CELF2: variants seen among roughly 807,000 people sequenced by gnomAD.
CELF2 encodes CUGBP Elav-like family member 2, also known as CUG triplet repeat RNA-binding protein 2.
In CELF2, 8 loss-of-function variants were observed where a neutral mutation model predicts 62.6. The ratio of observed to expected loss-of-function variants is 0.13; its 90% CI spans 0.07 to 0.23. The LOEUF is 0.23. Among genes scored for constraint, CELF2 ranks in the 10% least tolerant of loss-of-function variants. The pLI, the probability that CELF2 is intolerant of heterozygous loss-of-function variation, is 1.00. For missense variants in CELF2, 333 were observed against 671.0 expected, an observed-to-expected ratio of 0.50 and a Z score of 5.56; for synonymous variants, 258 against 250.0, an observed-to-expected ratio of 1.03 and a Z score of -0.30.
At chr10:10,905,745 G>A (rs2063286721) in intron 1 of CELF2, among the ~76,000 whole-genome samples, 1 of 152,076 alleles carries the variant, frequency 6.6e-6, no homozygotes. Context: ...AGGTGTGGTG[G>A]CGGGCAACTG....
intron 1 of CELF2, among the ~76,000 whole-genome samples, chr10:11,113,489 A>T (rs1438837994): frequency 6.6e-6 from 1 of 152,308 alleles, no homozygotes; most frequent in East Asian, 1.9e-4. Context: ...ATAAAATATG[A>T]TGGACTTTTC....
intron 2 of CELF2, among the ~76,000 whole-genome samples, chr10:11,188,946 T>G (rs2075669330): frequency 6.6e-6 from 1 of 152,254 alleles, no homozygotes; most frequent in Admixed American, 6.5e-5. Flanking sequence ...TTGTAGTTTT[T>G]AATCTCTAGA....
the CELF2 span, among the ~76,000 whole-genome samples, chr10:10,605,063 C>T: frequency 1.3e-5 from 2 of 152,152 alleles, no homozygotes; most frequent in Non-Finnish European, 2.9e-5. Flanking sequence ...AAATGTGGTA[C>T]ATATACACCA....
chr10:11,270,358 G>A lies in CELF2; in HGVS notation c.619-308G>A, dbSNP rs566496407. ...TTAAAGAACCTTGGTAAGGTCTGTTGTCTGTAAGGAGGTCCTGCAAGGTTG... is the reference window on the plus strand; with the variant it reads ...TTAAAGAACCTTGGTAAGGTCTGTTATCTGTAAGGAGGTCCTGCAAGGTTG... On this transcript the variant is annotated intron_variant, in intron 6 of 12. Transcript: ENST00000633077. The surrounding 1 kb of genome is among the most constrained non-coding windows in gnomAD (Gnocchi z 5.8). Among the ~76,000 whole-genome samples the A allele has an allele frequency of 5.0e-4, 76 of 152,278 alleles. No homozygotes were observed. Among genetic ancestry groups the A allele is most frequent in the Non-Finnish European group, 8.7e-4 (59 of 68,032 alleles).
chr10:11,104,032 A>G lies in CELF2; in HGVS notation c.75-61454A>G, dbSNP rs551710359. On this transcript the variant is annotated intron_variant, in intron 1 of 12. Transcript: ENST00000633077. Reference sequence around the variant, plus strand: ...GCATGAAAACTATTTATTTAAAGAAATAGACTGACACTACCCTTTTGCTCT... The same window carrying G: ...GCATGAAAACTATTTATTTAAAGAAGTAGACTGACACTACCCTTTTGCTCT... 2.0e-5 allele frequency among the ~76,000 whole-genome samples: 3 copies of G among 152,346 alleles called. No individual in the cohort carries two copies. In the South Asian group the frequency reaches 6.2e-4, roughly 32 times the overall value.
intron 1 of CELF2, among the ~76,000 whole-genome samples, chr10:10,836,453 A>C (rs372101483): frequency 1.3e-3 from 196 of 152,338 alleles, no homozygotes; most frequent in African/African-American, 4.5e-3. Context: ...ACAACACTGA[A>C]GTAGATAACA....
intron 1 of CELF2, among the ~76,000 whole-genome samples, chr10:10,801,226 A>G (rs2054631417): frequency 3.3e-5 from 5 of 152,192 alleles, no homozygotes; most frequent in African/African-American, 2.4e-5. Context: ...CTTTGGCTAC[A>G]CCAAGTTCAT....
intron 1 of CELF2, among the ~76,000 whole-genome samples, chr10:11,124,683 A>G (rs1042009787): frequency 2.6e-5 from 4 of 152,192 alleles, no homozygotes; most frequent in African/African-American, 4.8e-5. Context: ...AGGCACTGCA[A>G]TAAGTTCTAA....
At chr10:10,532,394 ATCT>A in the CELF2 span, among the ~76,000 whole-genome samples, 3 of 152,216 alleles carry the variant, frequency 2.0e-5, no homozygotes, top group African/African-American at 4.8e-5. Context: ...GAACTCATTA[ATCT>A]TCTTCAAGTA....
intron 2 of CELF2, among the ~76,000 whole-genome samples, chr10:11,176,815 T>G (rs1406982101): frequency 6.6e-6 from 1 of 152,200 alleles, no homozygotes; most frequent in Non-Finnish European, 1.5e-5. Flanking sequence ...TTTTCAATGT[T>G]TATCCCAGTT....
At chr10:10,941,955 C>T (rs190358784) in intron 2 of CELF2, among the ~76,000 whole-genome samples, 45 of 148,566 alleles carry the variant, frequency 3.0e-4, no homozygotes, top group African/African-American at 1.1e-3. Context: ...GATCACAGCA[C>T]TTCACTCCAG....
the CELF2 span, among the ~76,000 whole-genome samples, chr10:10,548,224 C>T: frequency 1.3e-3 from 203 of 152,346 alleles, 1 homozygote; most frequent in African/African-American, 4.8e-3. Flanking sequence ...CCTGTGGTCC[C>T]TCCCAGCTCT....
the CELF2 span, among the ~76,000 whole-genome samples, chr10:10,695,789 T>C: frequency 1.3e-5 from 2 of 152,170 alleles, no homozygotes; most frequent in African/African-American, 2.4e-5. Context: ...TTTCTTCCAG[T>C]TGATCGCATC....
the CELF2 span, among the ~76,000 whole-genome samples, chr10:10,718,208 G>C: frequency 1.3e-5 from 2 of 152,166 alleles, no homozygotes; most frequent in Non-Finnish European, 2.9e-5. Flanking sequence ...TTATTTCAAA[G>C]TGAGTGCTAT....
the CELF2 span, among the ~76,000 whole-genome samples, chr10:10,518,665 C>T: frequency 1.3e-5 from 2 of 151,936 alleles, no homozygotes; most frequent in South Asian, 4.2e-4. Context: ...CTAATAGTGG[C>T]ACCAATTTTT....
the CELF2 span, among the ~76,000 whole-genome samples, chr10:10,669,152 T>C: frequency 6.6e-6 from 1 of 152,150 alleles, no homozygotes; most frequent in Non-Finnish European, 1.5e-5. Context: ...TGAACTGAGA[T>C]TCTCAGGTTG....
At chr10:11,228,401 T>C (rs369858307) in intron 3 of CELF2, among the ~76,000 whole-genome samples, 9 of 152,252 alleles carry the variant, frequency 5.9e-5, no homozygotes, top group Admixed American at 4.6e-4. Context: ...CCTATTGTTC[T>C]ACATTCAAGA....
At chr10:11,041,100 C>T (rs940406969) in intron 1 of CELF2, among the ~76,000 whole-genome samples, 3 of 152,228 alleles carry the variant, frequency 2.0e-5, no homozygotes, top group African/African-American at 7.2e-5. Context: ...TTGCAGAGGG[C>T]TGCCTTCTAG....
At chr10:10,697,042 C>A in the CELF2 span, among the ~76,000 whole-genome samples, 1 of 151,822 alleles carries the variant, frequency 6.6e-6, no homozygotes, top group Admixed American at 6.6e-5. Context: ...GATTAGAAAA[C>A]AAAATATCTT....
Sources: gnomAD v4.1 joint callset for allele counts (sites outside exome capture counted in the v4.1 genomes callset) on GRCh38, gnomAD v4.1.1 for gene constraint, Gnocchi (gnomAD v3.1) non-coding constraint, MANE v1.5 for transcripts, NCBI Gene and HGNC (gene_info 2026-07-23, HGNC 2026-07-21) for gene names.